Variants in BUB3 observed in about 807,000 individuals in gnomAD.
The protein encoded by BUB3 is BUB3 mitotic checkpoint protein.
Under a neutral mutation model 39.9 loss-of-function variants are expected in BUB3, and 22 were observed. That is an observed-to-expected ratio of 0.55 (90% CI 0.39 to 0.79). BUB3 has a LOEUF of 0.79. BUB3 is among the 30% of genes least tolerant of loss of function. BUB3 has a pLI of 0.00. For synonymous variants in BUB3, 168 were observed against 155.1 expected (o/e 1.08, Z -0.62); for missense variants, 303 against 415.4 (o/e 0.73, Z 2.35).
rs547510239 is a variant in BUB3, at chr10:123,165,620, G to A, written c.*1785G>A. On this transcript the variant is annotated 3_prime_UTR_variant, in exon 8 of 8. Transcript: ENST00000368865. ...GCAGGGCCTTTGAGCCAAGTGTGCA[G>A]CTTCACTCAGGATGGGCAGAGACTA... 6.6e-6 allele frequency: 1 copy of A among 152,548 alleles called. No individual in the cohort carries two copies. The highest frequency in any genetic ancestry group is 2.4e-5 in the African/African-American group (1 of 41,524). 9.4% of individuals were successfully genotyped at this position (152,548 alleles called of 1,614,324 possible).
intron 5 of BUB3, among the ~76,000 whole-genome samples, chr10:123,161,953 A>G (rs753904350): frequency 7.6e-4 from 116 of 152,370 alleles, no homozygotes; most frequent in South Asian, 5.4e-3. Context: ...AATAAGCGAC[A>G]CTAAAACACT....
In BUB3 at chr10:123,154,904, C is replaced by T; in HGVS notation, c.1-14C>T. On this transcript the variant is annotated splice_polypyrimidine_tract_variant and intron_variant, in intron 1 of 7. Coordinates refer to ENST00000368865, the MANE Select transcript of BUB3 (RefSeq NM_004725.4). ...CCGCGGGACCCCTGGGGACTCTGGG[C>T]GCCTGTTCTGCAGATGACCGGTTCT... 6.4e-7 allele frequency: 1 copy of T among 1,571,308 alleles called. No individual in the cohort carries two copies. The highest frequency in any genetic ancestry group is 8.6e-7 in the Non-Finnish European group (1 of 1,157,566).
In BUB3 at chr10:123,163,827, T is replaced by G. The variant is rs775015692; in HGVS notation, c.979T>G (p.Cys327Gly). 18 of 1,608,778 alleles carry G rather than the reference T, an allele frequency of 1.1e-5. No individual in the cohort carries two copies. The highest frequency in any genetic ancestry group is 1.5e-5 in the Non-Finnish European group (18 of 1,175,790). Reference sequence around the variant, plus strand: ...TTTCTTTTGAACTTGTAGGTCACCATGTACTTGACAAGATTTCATTTACTT... The same window carrying G: ...TTTCTTTTGAACTTGTAGGTCACCAGGTACTTGACAAGATTTCATTTACTT... ...TDAETKPKSP[C>G]T is the part of the protein sequence containing the mutation. The change falls in exon 8 of 8, where the codon TGT becomes GGT. Residue 327 changes from cysteine to glycine, a missense_variant. Transcript: ENST00000368865.
In BUB3 at chr10:123,168,979, G is replaced by A. The variant is rs1187865333; in HGVS notation, c.*5144G>A. On this transcript the variant is annotated 3_prime_UTR_variant, in exon 8 of 8. Coordinates refer to ENST00000368865, the MANE Select transcript of BUB3 (RefSeq NM_004725.4). Reference sequence around the variant, plus strand: ...ACACCCCTGCCCTAGAGCATCTGACGCCTGGATACAAAAGAGCCTGTGGCT... The same window carrying A: ...ACACCCCTGCCCTAGAGCATCTGACACCTGGATACAAAAGAGCCTGTGGCT... 6.6e-5 allele frequency: 10 copies of A among 152,214 alleles called. 1 individual carries two copies. Among genetic ancestry groups the A allele is most frequent in the Admixed American group, 5.2e-4 (8 of 15,278 alleles). The allele number at this position is 152,214 out of a possible 1,614,324, so 9.4% of individuals were successfully genotyped here. A position where few individuals can be genotyped will look rare whatever the true frequency, so the allele number is the denominator to read the frequency against.
rs950889160 is a variant in BUB3 at position 123,167,194 on chromosome 10, C to G, written c.*3359C>G. On this transcript the variant is annotated 3_prime_UTR_variant, in exon 8 of 8. Transcript: ENST00000368865. Reference sequence around the variant, plus strand: ...AGAAAACACTGGGGTTCTTCTCTTACGCTGAGAGCCAGGTTACTTTCTTCA... The same window carrying G: ...AGAAAACACTGGGGTTCTTCTCTTAGGCTGAGAGCCAGGTTACTTTCTTCA... 1 of 152,226 alleles carries G rather than the reference C, an allele frequency of 6.6e-6. No individual in the cohort carries two copies. The highest frequency in any genetic ancestry group is 2.4e-5 in the African/African-American group (1 of 41,454). The allele number at this position is 152,226 out of a possible 1,614,324, so 9.4% of individuals were successfully genotyped here. A position where few individuals can be genotyped will look rare whatever the true frequency, so the allele number is the denominator to read the frequency against.
chr10:123,165,244 C>A lies in BUB3; in HGVS notation c.*1409C>A, dbSNP rs1213939933. ...TTTGTGTCCCTGTACAGTAGTCTGA[C>A]GTATTTCCCCTTCTGTCCCCTAGTA... On this transcript the variant is annotated 3_prime_UTR_variant, in exon 8 of 8. Coordinates refer to ENST00000368865, the MANE Select transcript of BUB3 (RefSeq NM_004725.4). The A allele has an allele frequency of 1.7e-6, 1 of 572,678 alleles. No homozygotes were observed. The highest frequency in any genetic ancestry group is 2.9e-6 in the Non-Finnish European group (1 of 339,532). 35.5% of individuals were successfully genotyped at this position (572,678 alleles called of 1,614,324 possible). A position where few individuals can be genotyped will look rare whatever the true frequency, so the allele number is the denominator to read the frequency against.
In BUB3 at chr10:123,166,680, T is replaced by C. The variant is rs1426132230; in HGVS notation, c.*2845T>C. ...TGATTTCATAAGGAGGTGTGCTGCT[T>C]CCCAAGCTTCTAGATCATCAGGAAG... is the stretch of plus-strand genomic sequence containing the variant. On this transcript the variant is annotated 3_prime_UTR_variant, in exon 8 of 8. Transcript: ENST00000368865. The C allele has an allele frequency of 6.6e-6, 1 of 152,216 alleles. No individual in the cohort carries two copies. The highest frequency in any genetic ancestry group is 1.5e-5 in the Non-Finnish European group (1 of 68,040). The allele number at this position is 152,216 out of a possible 1,614,324, so 9.4% of individuals were successfully genotyped here. A position where few individuals can be genotyped will look rare whatever the true frequency, so the allele number is the denominator to read the frequency against.
At chr10:123,159,511 A>G (rs1398799724) in intron 4 of BUB3, among the ~76,000 whole-genome samples, 2 of 152,204 alleles carry the variant, frequency 1.3e-5, no homozygotes, top group East Asian at 3.8e-4. Context: ...CATGATCAGG[A>G]GAATATTTTT....
At chr10:123,160,595 G>T in intron 5 of BUB3, 30 bp downstream of exon 5, 3 of 1,498,526 alleles carry the variant, frequency 2.0e-6, no homozygotes, top group African/African-American at 1.4e-5. Context: ...CTTCTTTCTG[G>T]AATTTGAAAA....
Position 123,164,725 on chromosome 10 carries a change from G to A in BUB3, c.*890G>A. The A allele has an allele frequency of 9.3e-7, 1 of 1,072,968 alleles. No homozygotes were observed. Among genetic ancestry groups the A allele is most frequent in the Non-Finnish European group, 1.1e-6 (1 of 886,082 alleles). 66.5% of individuals were successfully genotyped at this position (1,072,968 alleles called of 1,614,324 possible). ...GTCCATTTCAGTTGACCAGCCGCTG[G>A]TGATTAAAGTTAAAAAGAAAAAAAT... On this transcript the variant is annotated 3_prime_UTR_variant, in exon 8 of 8. Transcript: ENST00000368865.
At position 123,168,663 on chromosome 10, in the gene BUB3, C is replaced by T. The variant is rs1252971413; in HGVS notation, c.*4828C>T. On this transcript the variant is annotated 3_prime_UTR_variant, in exon 8 of 8. Coordinates refer to ENST00000368865, the MANE Select transcript of BUB3 (RefSeq NM_004725.4). ...CTCTCGGGTTCAAGCAATTCTCCTG[C>T]CTCAGCCACCCGAGTAGTTGGGATT... is the stretch of plus-strand genomic sequence containing the variant. 1 of 152,222 alleles carries T rather than the reference C, an allele frequency of 6.6e-6. No individual in the cohort carries two copies. The highest frequency in any genetic ancestry group is 1.5e-5 in the Non-Finnish European group (1 of 68,040). 9.4% of individuals were successfully genotyped at this position (152,222 alleles called of 1,614,324 possible). A position where few individuals can be genotyped will look rare whatever the true frequency, so the allele number is the denominator to read the frequency against.
chr10:123,163,716 T>G (rs1844452968), intron 7 of BUB3, 104 bp from the exon 8 acceptor site: 1 of 1,012,764 alleles, frequency 9.9e-7, no homozygotes, highest in Non-Finnish European at 1.5e-6. Flanking sequence ...GTGAAGCCTG[T>G]TGGATAAAGG....
intron 5 of BUB3, among the ~76,000 whole-genome samples, chr10:123,161,423 T>C (rs958379023): frequency 6.6e-6 from 1 of 152,220 alleles, no homozygotes; most frequent in Admixed American, 6.5e-5. Flanking sequence ...ATTGCAGTTA[T>C]GTGAAACTTC....
intron 4 of BUB3, 41 bp from the exon 5 acceptor site, chr10:123,160,366 C>G: frequency 6.8e-7 from 1 of 1,460,166 alleles, no homozygotes; most frequent in Non-Finnish European, 9.1e-7. Context: ...CATTTTCAGG[C>G]AAGAAGGTGA....
In BUB3 at chr10:123,164,953, G is replaced by T; in HGVS notation, c.*1118G>T. On this transcript the variant is annotated 3_prime_UTR_variant, in exon 8 of 8. Transcript: ENST00000368865. ...GTGATGTATTTTTTTTAATTCTTTTGATACAGAGAAGGGTCTTTTTTTTTT... is the reference window on the plus strand; with the variant it reads ...GTGATGTATTTTTTTTAATTCTTTTTATACAGAGAAGGGTCTTTTTTTTTT... 2 of 1,506,700 alleles carry T rather than the reference G, an allele frequency of 1.3e-6. No individual in the cohort carries two copies. Among genetic ancestry groups the T allele is most frequent in the Non-Finnish European group, 8.8e-7 (1 of 1,134,272 alleles). 93.3% of individuals were successfully genotyped at this position (1,506,700 alleles called of 1,614,324 possible). A position where few individuals can be genotyped will look rare whatever the true frequency, so the allele number is the denominator to read the frequency against.
rs1410213388 is a variant in BUB3, at chr10:123,154,967, TCTC to T, written c.55_57del (p.Ser19del). 6.2e-7 allele frequency: 1 copy of T among 1,614,130 alleles called. No individual in the cohort carries two copies. The highest frequency in any genetic ancestry group is 8.5e-7 in the Non-Finnish European group (1 of 1,180,014). The stretch of plus-strand genomic sequence containing the variant: ...CTGAACCAGCCACCCGAGGATGGCA[TCTC>T]CTCCGTGAAGTTCAGCCCCAACACC... On this transcript the variant is annotated inframe_deletion, in exon 2 of 8. Transcript: ENST00000368865.
At chr10:123,163,747 G>A (rs1844453263) in intron 7 of BUB3, 73 bp from the exon 8 acceptor site, 1 of 1,372,202 alleles carries the variant, frequency 7.3e-7, no homozygotes, top group Non-Finnish European at 1.0e-6. Context: ...CATTTAATCT[G>A]TCACTTTTGT....
intron 2 of BUB3, among the ~76,000 whole-genome samples, chr10:123,155,446 T>C (rs955179118): frequency 6.6e-6 from 1 of 152,216 alleles, no homozygotes; most frequent in Non-Finnish European, 1.5e-5. Flanking sequence ...TCAGCTAGCG[T>C]GTTGGCTAGG....
rs1284483432 is a variant in BUB3 at position 123,168,379 on chromosome 10, A to G, written c.*4544A>G. On this transcript the variant is annotated 3_prime_UTR_variant, in exon 8 of 8. Transcript: ENST00000368865. ...TGGGATGGTGTGACTTGCACAAGCC[A>G]CACAGCCTGCATGGTGTCCACTTTG... 1 of 152,228 alleles carries G rather than the reference A, an allele frequency of 6.6e-6. No homozygotes were observed. Among genetic ancestry groups the G allele is most frequent in the Non-Finnish European group, 1.5e-5 (1 of 68,036 alleles). The allele number at this position is 152,228 out of a possible 1,614,324, so 9.4% of individuals were successfully genotyped here. A position where few individuals can be genotyped will look rare whatever the true frequency, so the allele number is the denominator to read the frequency against.
Sources: allele counts gnomAD v4.1 joint callset (sites outside exome capture counted in the v4.1 genomes callset), GRCh38; gene constraint gnomAD v4.1.1; transcripts MANE v1.5; gene names NCBI Gene and HGNC (gene_info 2026-07-23, HGNC 2026-07-21).